Variants in MAML3 observed in about 807,000 individuals in gnomAD.
MAML3 encodes the protein mastermind-like protein 3.
Under a neutral mutation model 101.9 loss-of-function variants are expected in MAML3, and 27 were observed. The observed-to-expected ratio is 0.27, with a 90% CI of 0.20 to 0.37. The LOEUF is 0.37. Among genes scored for constraint, MAML3 ranks in the 10% least tolerant of loss-of-function variants. MAML3 has a pLI of 1.00. For synonymous variants in MAML3, 501 were observed against 555.9 expected, an observed-to-expected ratio of 0.90 and a Z score of 1.39; for missense variants, 1,316 against 1,444.9, an observed-to-expected ratio of 0.91 and a Z score of 1.45.
intron 1 of MAML3, among the ~76,000 whole-genome samples, chr4:140,049,995 G>C (rs1450831150): frequency 6.6e-6 from 1 of 152,092 alleles, no homozygotes; most frequent in Non-Finnish European, 1.5e-5. Context: ...AAATCTAGCA[G>C]AGAAACATCT....
intron 2 of MAML3, among the ~76,000 whole-genome samples, chr4:139,862,056 A>G (rs1355292828): frequency 6.6e-6 from 1 of 152,138 alleles, no homozygotes; most frequent in Non-Finnish European, 1.5e-5. Flanking sequence ...TAAAAATACA[A>G]AAATTAGCTG....
chr4:139,758,536 G>C (rs1729697411), intron 2 of MAML3, among the ~76,000 whole-genome samples: 1 of 152,172 alleles, frequency 6.6e-6, no homozygotes, highest in African/African-American at 2.4e-5. Context: ...ACCTCGATTT[G>C]TATGACCCAT....
At chr4:139,774,225 G>A (rs149764001) in intron 2 of MAML3, among the ~76,000 whole-genome samples, 15 of 152,300 alleles carry the variant, frequency 9.8e-5, no homozygotes, top group African/African-American at 3.1e-4. Context: ...GACCTTGACT[G>A]TCTCATCTGA....
At chr4:140,143,328 A>G (rs1729005725) in intron 1 of MAML3, among the ~76,000 whole-genome samples, 1 of 152,294 alleles carries the variant, frequency 6.6e-6, no homozygotes, top group Middle Eastern at 3.4e-3. Flanking sequence ...CTCAACTTTA[A>G]GTCTGCATTT....
chr4:139,839,399 C>G (rs1731320689), intron 2 of MAML3, among the ~76,000 whole-genome samples: 1 of 152,028 alleles, frequency 6.6e-6, no homozygotes, highest in South Asian at 2.1e-4. Flanking sequence ...GTTACCCACA[C>G]CTTCTCAAAT....
At chr4:139,990,408 A>G (rs1734643411) in intron 1 of MAML3, among the ~76,000 whole-genome samples, 1 of 151,402 alleles carries the variant, frequency 6.6e-6, no homozygotes, top group South Asian at 2.1e-4. Flanking sequence ...TCTCAAAATA[A>G]TAAGAGCTAT....
Position 140,066,224 on chromosome 4 carries a change from T to C in MAML3, c.468+86636A>G, listed in dbSNP as rs76919736. Among the ~76,000 whole-genome samples, 1,476 of 152,348 alleles carry C rather than the reference T, an allele frequency of 9.7e-3. 36 individuals are homozygous for C. The highest frequency in any genetic ancestry group is 0.034 in the African/African-American group (1,410 of 41,580). The stretch of plus-strand genomic sequence containing the variant: ...ACAGACCTGAGTATGAATCACAACT[T>C]TGTTATCAAACAGGACTGATAATCA... On this transcript the variant is annotated intron_variant, in intron 1 of 4. Transcript: ENST00000509479.
At chr4:139,765,143 T>C (rs1389360013) in intron 2 of MAML3, among the ~76,000 whole-genome samples, 1 of 152,230 alleles carries the variant, frequency 6.6e-6, no homozygotes, top group African/African-American at 2.4e-5. Context: ...GAAGGGATTA[T>C]TATTTATTTT....
intron 1 of MAML3, among the ~76,000 whole-genome samples, chr4:140,105,719 T>C (rs186809131): frequency 1.4e-4 from 22 of 152,166 alleles, no homozygotes; most frequent in African/African-American, 4.8e-4. Flanking sequence ...GTGGGGGACA[T>C]GGAGGAAAAA....
intron 1 of MAML3, among the ~76,000 whole-genome samples, chr4:139,911,314 T>C (rs183360157): frequency 2.6e-5 from 4 of 151,524 alleles, no homozygotes; most frequent in African/African-American, 7.3e-5. Flanking sequence ...GCCTCCCAGG[T>C]TCAAGCAATT....
chr4:140,066,052 C>G (rs936274392), intron 1 of MAML3, among the ~76,000 whole-genome samples: 1 of 152,192 alleles, frequency 6.6e-6, no homozygotes, highest in Non-Finnish European at 1.5e-5. Context: ...GACCCACACA[C>G]AATTTTCAGA....
At chr4:140,049,556 C>G (rs1428227370) in intron 1 of MAML3, among the ~76,000 whole-genome samples, 1 of 152,154 alleles carries the variant, frequency 6.6e-6, no homozygotes. Context: ...CTATTAAGAG[C>G]AAGGCTTAAT....
intron 1 of MAML3, among the ~76,000 whole-genome samples, chr4:139,917,672 TA>T (rs1336763017): frequency 4.6e-5 from 7 of 152,124 alleles, no homozygotes; most frequent in African/African-American, 1.4e-4. Flanking sequence ...GAGAAACTTT[TA>T]AAAAACGATT....
At position 139,719,329 on chromosome 4, in the gene MAML3, G is replaced by T. The variant is rs1333524693; in HGVS notation, c.3411C>A (p.Asn1137Lys). 3.2e-6 allele frequency: 5 copies of T among 1,586,338 alleles called. No homozygotes were observed. Among genetic ancestry groups the T allele is most frequent in the African/African-American group, 2.7e-5 (2 of 74,270 alleles). ...ATCTTGGGGCCTCTCTTGATTAGGG[G>T]TTACCAAACAATTCATCAAGCTCCT... Reference protein sequence around the residue: ...WMQELDELFGNP With the variant: ...WMQELDELFGKP Residue 1137 changes from asparagine (N) to lysine (K), a missense_variant, in exon 5 of 5, where the codon AAC becomes AAA. By Grantham distance (94) the Asn-to-Lys change is moderately conservative. Transcript: ENST00000509479.
chr4:139,808,897 G>T (rs556907893), intron 2 of MAML3, among the ~76,000 whole-genome samples: 1 of 152,292 alleles, frequency 6.6e-6, no homozygotes, highest in South Asian at 2.1e-4. Context: ...GTACACATGT[G>T]TGAGACCAGC....
chr4:139,940,207 C>T (rs974689351), intron 1 of MAML3, among the ~76,000 whole-genome samples: 4 of 152,146 alleles, frequency 2.6e-5, no homozygotes, highest in African/African-American at 7.2e-5. Context: ...TTCTTCTCCT[C>T]TCCACTACCC....
chr4:139,797,611 A>T (rs1730533765), intron 2 of MAML3, among the ~76,000 whole-genome samples: 1 of 152,190 alleles, frequency 6.6e-6, no homozygotes, highest in Non-Finnish European at 1.5e-5. Flanking sequence ...GGCAGAGACC[A>T]GATTGAGGGG....
At chr4:140,097,071 A>G (rs1728177047) in intron 1 of MAML3, among the ~76,000 whole-genome samples, 1 of 152,164 alleles carries the variant, frequency 6.6e-6, no homozygotes, top group African/African-American at 2.4e-5. Context: ...ACAGCCCAAT[A>G]CCCTGGAGAA....
intron 1 of MAML3, among the ~76,000 whole-genome samples, chr4:139,898,023 C>G (rs1268736137): frequency 6.6e-6 from 1 of 152,224 alleles, no homozygotes; most frequent in Non-Finnish European, 1.5e-5. Context: ...CTTTACAATT[C>G]AGTTTAGACA....
Sources: allele counts gnomAD v4.1 joint callset (sites outside exome capture counted in the v4.1 genomes callset), GRCh38; gene constraint gnomAD v4.1.1; transcripts MANE v1.5; gene names NCBI Gene and HGNC (gene_info 2026-07-23, HGNC 2026-07-21).